Variants in LARS1 observed in about 807,000 individuals in gnomAD.
The protein encoded by LARS1 is leucyl-tRNA synthetase 1, also known as leucine--tRNA ligase, cytoplasmic.
A neutral mutation model predicts 162.8 loss-of-function variants in LARS1; 100 were observed. The observed-to-expected ratio is 0.61, with a 90% CI of 0.52 to 0.73. LARS1 has a LOEUF of 0.73. Ranked by LOEUF, LARS1 falls within the 30% of genes least tolerant of loss-of-function variation. The pLI, the probability that LARS1 is intolerant of heterozygous loss-of-function variation, is 0.00. For missense variants in LARS1, 1,258 were observed against 1,408.9 expected (o/e 0.89, Z 1.71); for synonymous variants, 457 against 462.8 (o/e 0.99, Z 0.16).
At chr5:146,157,931 T>C in intron 8 of LARS1, 136 bp from the exon 9 acceptor site, 1 of 778,080 alleles carries the variant, frequency 1.3e-6, no homozygotes, top group Non-Finnish European at 2.1e-6. Context: ...GAGAAGAGAT[T>C]GCCAGTGGTG....
chr5:146,129,049 G>C lies in LARS1; in HGVS notation c.2698C>G (p.Gln900Glu). The C allele has an allele frequency of 6.2e-7, 1 of 1,610,472 alleles. No individual in the cohort carries two copies. Among genetic ancestry groups the C allele is most frequent in the Non-Finnish European group, 8.5e-7 (1 of 1,177,180 alleles). The stretch of plus-strand genomic sequence containing the variant: ...TCATGTGTTACTTCCATAAGATACT[G>C]TGAGGAGTGTATTAAAACTTCATTA... ...PVNEVLIHSS[Q>E]YLMEVTHDLR... Residue 900 changes from glutamine (Q) to glutamate (E), a missense_variant, in exon 26 of 32, where the codon CAG becomes GAG. Gln to Glu is a conservative substitution (Grantham distance 29). Coordinates refer to ENST00000394434, the MANE Select transcript of LARS1 (RefSeq NM_020117.11).
Position 146,171,961 on chromosome 5 carries a change from T to C in LARS1, c.243A>G (p.Gly81=). 6.2e-7 allele frequency: 1 copy of C among 1,613,956 alleles called. No homozygotes were observed. The highest frequency in any genetic ancestry group is 8.5e-7 in the Non-Finnish European group (1 of 1,179,874). Residue 81 remains glycine, a synonymous_variant, in exon 4 of 32, where the codon GGA becomes GGG. Coordinates refer to ENST00000394434, the MANE Select transcript of LARS1 (RefSeq NM_020117.11). ...GGCCAAAGGGAAACAGACAACATTT[T>C]CCTTTCAATCGCTGGTACCCTACAG... ...EFAVGYQRLK[G]KCCLFPFGLH...
intron 15 of LARS1, among the ~76,000 whole-genome samples, chr5:146,145,173 C>T (rs1053064685): frequency 2.0e-5 from 3 of 152,044 alleles, no homozygotes; most frequent in African/African-American, 7.2e-5. Context: ...GACCTCCTGG[C>T]TCATGTGACC....
At position 146,182,626 on chromosome 5, in the gene LARS1, T is replaced by A. The variant is rs985927864; in HGVS notation, c.-133A>T. ...ACTAAAGCACACGCTTCACACCTGC[T>A]GAGGCAATCATCCGGCTCCTTACTA... On this transcript the variant is annotated 5_prime_UTR_variant, in exon 1 of 32. Coordinates refer to ENST00000394434, the MANE Select transcript of LARS1 (RefSeq NM_020117.11). 9 of 1,216,564 alleles carry A rather than the reference T, an allele frequency of 7.4e-6. No individual in the cohort carries two copies. In the Admixed American group the frequency reaches 1.3e-4, roughly 18 times the overall value. The allele number at this position is 1,216,564 out of a possible 1,614,324, so 75.4% of individuals were successfully genotyped here.
rs777115450 is a variant in LARS1, at chr5:146,164,269, T to A, written c.594+41A>T. The A allele has an allele frequency of 1.4e-5, 22 of 1,572,612 alleles. 1 individual carries two copies. The South Asian group carries it at 2.4e-4, about 17-fold the overall frequency. ...AAGCAAAGCACAATAAAAAAGCACA[T>A]ACTTGTAAATGCTTTCCTCATATTT... On this transcript the variant is annotated intron_variant, in intron 6 of 31. Transcript: ENST00000394434.
At chr5:146,131,984 C>T (rs986872974) in intron 23 of LARS1, 15 of 152,174 alleles carry the variant, frequency 9.9e-5, no homozygotes, top group Admixed American at 9.8e-4. Context: ...ACACTTTCTC[C>T]TCTCCCTGAA....
chr5:146,142,781 C>A (rs1752842050), intron 20 of LARS1, 91 bp downstream of exon 20: 1 of 953,332 alleles, frequency 1.0e-6, no homozygotes, highest in South Asian at 1.7e-5. Context: ...TCTATACCAT[C>A]CCCTCCACAA....
intron 12 of LARS1, 102 bp from the exon 13 acceptor site, chr5:146,153,329 T>G (rs535635826): frequency 6.3e-5 from 53 of 837,862 alleles, no homozygotes; most frequent in South Asian, 2.0e-4. Flanking sequence ...CTTTAAAGTT[T>G]CTATTTGTTC....
intron 2 of LARS1, among the ~76,000 whole-genome samples, chr5:146,176,038 G>C (rs1401098551): frequency 6.6e-6 from 1 of 152,060 alleles, no homozygotes; most frequent in Non-Finnish European, 1.5e-5. Flanking sequence ...TGTAGTCCCA[G>C]CTACTCAGAA....
At chr5:146,154,003 T>C (rs763376409) in intron 10 of LARS1, 23 bp from the exon 11 acceptor site, 7 of 1,514,072 alleles carry the variant, frequency 4.6e-6, no homozygotes, top group Non-Finnish European at 6.3e-6. Flanking sequence ...AAAATCAATA[T>C]AAAAGGTGAA....
intron 6 of LARS1, among the ~76,000 whole-genome samples, chr5:146,161,924 G>C (rs1040170157): frequency 1.3e-5 from 2 of 152,122 alleles, no homozygotes; most frequent in Non-Finnish European, 2.9e-5. Context: ...CGTAAGAAGC[G>C]AATCCTCATC....
chr5:146,174,505 T>C (rs56098502), intron 2 of LARS1, among the ~76,000 whole-genome samples: 1 of 17,604 alleles, frequency 5.7e-5, no homozygotes, highest in Non-Finnish European at 1.2e-4. Flanking sequence ...TATATCCATA[T>C]ATATATATAT....
chr5:146,157,360 T>A, intron 10 of LARS1, 43 bp downstream of exon 10: 1 of 1,539,764 alleles, frequency 6.5e-7, no homozygotes, highest in Non-Finnish European at 9.0e-7. Flanking sequence ...AAATTTTCCT[T>A]GAAATTTACG....
chr5:146,159,406 C>T lies in LARS1; in HGVS notation c.771+1G>A, dbSNP rs1418313474. ...AGCTACTCTGTCTCACAAATAATCA[C>T]CTCTCCAGTTTGTCTATCATGATCC... On this transcript the variant is annotated splice_donor_variant, in intron 8 of 31. Coordinates refer to ENST00000394434, the MANE Select transcript of LARS1 (RefSeq NM_020117.11). LOFTEE classifies it high-confidence loss of function. 2.5e-6 allele frequency: 4 copies of T among 1,606,248 alleles called. No individual in the cohort carries two copies. The highest frequency in any genetic ancestry group is 2.6e-6 in the Non-Finnish European group (3 of 1,173,120).
intron 29 of LARS1, among the ~76,000 whole-genome samples, chr5:146,122,857 A>T (rs1384453422): frequency 1.3e-5 from 2 of 152,064 alleles, no homozygotes; most frequent in Non-Finnish European, 2.9e-5. Context: ...ATAAAACAAA[A>T]TGAAAATCAG....
At chr5:146,170,369 C>T (rs1415619770) in intron 4 of LARS1, among the ~76,000 whole-genome samples, 2 of 151,774 alleles carry the variant, frequency 1.3e-5, no homozygotes, top group African/African-American at 4.8e-5. Flanking sequence ...ATTCAGGAGG[C>T]TGAGGCAAGA....
rs886759973 is a variant in LARS1, at chr5:146,145,801, C to T, written c.1504-1092G>A. 1.4e-4 allele frequency among the ~76,000 whole-genome samples: 22 copies of T among 152,220 alleles called. No homozygotes were observed. In the South Asian group the frequency reaches 2.1e-3, roughly 14 times the overall value. ...AGATTAAAAACAGACATTTAACTCC[C>T]TCTCAAAATTCCAATAAAAAGACAA... On this transcript the variant is annotated intron_variant, in intron 15 of 31. Coordinates refer to ENST00000394434, the MANE Select transcript of LARS1 (RefSeq NM_020117.11).
At chr5:146,173,506 G>T (rs1016893002) in intron 2 of LARS1, among the ~76,000 whole-genome samples, 6 of 149,242 alleles carry the variant, frequency 4.0e-5, no homozygotes, top group African/African-American at 1.5e-4. Context: ...TACTTGATAT[G>T]TGGTAGATTC....
intron 21 of LARS1, among the ~76,000 whole-genome samples, chr5:146,137,191 C>A (rs1296401783): frequency 1.3e-5 from 2 of 152,252 alleles, no homozygotes; most frequent in Non-Finnish European, 2.9e-5. Context: ...AGTCACCGCG[C>A]CCAGTCCCCT....
Sources: gnomAD v4.1 joint callset for allele counts (sites outside exome capture counted in the v4.1 genomes callset) on GRCh38, gnomAD v4.1.1 for gene constraint, MANE v1.5 for transcripts, NCBI Gene and HGNC (gene_info 2026-07-23, HGNC 2026-07-21) for gene names.